The following FOXN3 variants were observed in gnomAD, a reference collection of about 807,000 sequenced individuals.
FOXN3 encodes forkhead box protein N3.
In FOXN3, 7 loss-of-function variants were observed where a neutral mutation model predicts 38.4. The observed-to-expected ratio is 0.18, with a 90% CI of 0.10 to 0.34. FOXN3 has a LOEUF of 0.34. FOXN3 is among the 10% of genes least tolerant of loss of function. FOXN3 has a pLI of 1.00. For missense variants in FOXN3, 456 were observed against 613.4 expected (o/e 0.74, Z 2.71); for synonymous variants, 230 against 242.2 (o/e 0.95, Z 0.47).
rs972212399 is a variant in FOXN3, at chr14:89,548,844, C to G, written c.-15+70184G>C. ...ATTCAGTTTTTTATAATGTGCCGGGCGCGGTGGCTCACGCCTGTAATCCCA... is the reference window on the plus strand; with the variant it reads ...ATTCAGTTTTTTATAATGTGCCGGGGGCGGTGGCTCACGCCTGTAATCCCA... On this transcript the variant is annotated intron_variant, in intron 1 of 6. Transcript: ENST00000345097. The surrounding 1 kb of genome is among the most constrained non-coding windows in gnomAD (Gnocchi z 4.8). 6.6e-6 allele frequency among the ~76,000 whole-genome samples: 1 copy of G among 152,068 alleles called. No individual in the cohort carries two copies. Among genetic ancestry groups the G allele is most frequent in the Non-Finnish European group, 1.5e-5 (1 of 68,022 alleles).
At chr14:89,234,228 C>T (rs1884911267) in intron 4 of FOXN3, among the ~76,000 whole-genome samples, 1 of 152,214 alleles carries the variant, frequency 6.6e-6, no homozygotes, top group Non-Finnish European at 1.5e-5. Context: ...GTGCCACAAA[C>T]TGAGTTCTTC....
intron 1 of FOXN3, among the ~76,000 whole-genome samples, chr14:89,451,160 A>G (rs17798867): frequency 0.31 from 46,901 of 152,056 alleles, 8,366 homozygotes; most frequent in Admixed American, 0.42. Flanking sequence ...AGAAAAGCCA[A>G]TGTTGACTGA....
chr14:89,572,986 C>T (rs1895524882), intron 1 of FOXN3, among the ~76,000 whole-genome samples: 1 of 152,230 alleles, frequency 6.6e-6, no homozygotes, highest in African/African-American at 2.4e-5. Flanking sequence ...GTTAGCCTAA[C>T]CACAAAGGTG....
At chr14:89,607,365 C>T (rs914978991) in intron 1 of FOXN3, among the ~76,000 whole-genome samples, 1 of 152,042 alleles carries the variant, frequency 6.6e-6, no homozygotes, top group Non-Finnish European at 1.5e-5. Context: ...TTGAGACCAG[C>T]CTGGCCAACA....
intron 3 of FOXN3, among the ~76,000 whole-genome samples, chr14:89,331,781 T>C (rs8020112): frequency 0.81 from 122,529 of 152,204 alleles, 49,466 homozygotes; most frequent in Admixed American, 0.86. Context: ...CTCTGTGCAA[T>C]GCACTCTGGT....
chr14:89,417,778 A>T (rs1237975461), upstream of FOXN3: 1 of 454,876 alleles, frequency 2.2e-6, no homozygotes, highest in Non-Finnish European at 4.4e-6. Context: ...TCTCCCAGCG[A>T]CCACCTCGTG....
chr14:89,271,830 G>A (rs1886157577), intron 4 of FOXN3, among the ~76,000 whole-genome samples: 2 of 152,180 alleles, frequency 1.3e-5, no homozygotes, highest in South Asian at 4.1e-4. Context: ...GCCCTAGTCT[G>A]CAAAACACTG....
At chr14:89,366,187 A>G (rs1245920700) in intron 2 of FOXN3, among the ~76,000 whole-genome samples, 2 of 151,418 alleles carry the variant, frequency 1.3e-5, no homozygotes, top group East Asian at 3.9e-4. Context: ...CGGGAGGCGG[A>G]GTTTGCAGTG....
intron 4 of FOXN3, among the ~76,000 whole-genome samples, chr14:89,254,857 T>C (rs2139883942): frequency 6.6e-6 from 1 of 152,338 alleles, no homozygotes; most frequent in East Asian, 1.9e-4. Context: ...ACCACACCTT[T>C]GCCACTGCGG....
chr14:89,292,244 A>G (rs1886897005), intron 3 of FOXN3, among the ~76,000 whole-genome samples: 1 of 151,840 alleles, frequency 6.6e-6, no homozygotes, highest in Non-Finnish European at 1.5e-5. Flanking sequence ...CCCCCTTCCC[A>G]GGACTGATGA....
At chr14:89,286,328 A>G (rs575647795) in intron 3 of FOXN3, among the ~76,000 whole-genome samples, 44 of 152,294 alleles carry the variant, frequency 2.9e-4, no homozygotes, top group African/African-American at 1.1e-3. Context: ...CCCCATGGTC[A>G]GCTTTCTGCC....
chr14:89,182,647 TAC>T (rs1466986217), intron 4 of FOXN3, among the ~76,000 whole-genome samples: 1 of 152,218 alleles, frequency 6.6e-6, no homozygotes, highest in African/African-American at 2.4e-5. Flanking sequence ...TATCATGTCT[TAC>T]ACAGTTGATG....
intron 3 of FOXN3, among the ~76,000 whole-genome samples, chr14:89,311,063 G>A (rs1474417912): frequency 7.0e-6 from 1 of 143,148 alleles, no homozygotes; most frequent in African/African-American, 2.6e-5. Context: ...CCAAGATCGC[G>A]CCATTGCATT....
chr14:89,180,358 C>G (rs1355736741), intron 5 of FOXN3, among the ~76,000 whole-genome samples: 1 of 152,190 alleles, frequency 6.6e-6, no homozygotes, highest in African/African-American at 2.4e-5. Flanking sequence ...AGGGACAGGA[C>G]TGGGTCTTGC....
At chr14:89,291,161 G>T in intron 3 of FOXN3, 1 of 492,004 alleles carries the variant, frequency 2.0e-6, no homozygotes. Context: ...AAGTACCCAA[G>T]TTGGGGGGCA....
chr14:89,335,201 G>A (rs1460155560), intron 3 of FOXN3, among the ~76,000 whole-genome samples: 2 of 151,906 alleles, frequency 1.3e-5, no homozygotes, highest in African/African-American at 4.8e-5. Flanking sequence ...ACATCACACT[G>A]TACGCCTTAA....
intron 3 of FOXN3, among the ~76,000 whole-genome samples, chr14:89,293,434 T>G (rs1472872278): frequency 6.6e-6 from 1 of 152,210 alleles, no homozygotes; most frequent in Non-Finnish European, 1.5e-5. Flanking sequence ...GGCTGGTTCC[T>G]TCAGCAGGCT....
At position 89,162,915 on chromosome 14, in the gene FOXN3, G is replaced by A. The variant is rs1252638196; in HGVS notation, c.906C>T (p.Ser302=). Residue 302 remains serine, a synonymous_variant, in exon 6 of 6, where the codon TCC becomes TCT. Transcript: ENST00000557258. The surrounding 1 kb of genome is among the most constrained non-coding windows in gnomAD (Gnocchi z 7.2). Reference sequence around the variant, plus strand: ...CCTTGGGGTCTCCGCTGACCACTGGGGAGCCACAAGATGGCTCACTCTCAG... The same window carrying A: ...CCTTGGGGTCTCCGCTGACCACTGGAGAGCCACAAGATGGCTCACTCTCAG... ...MRTESEPSCG[S]PVVSGDPKED... is the part of the protein sequence containing the mutation. 3.1e-6 allele frequency: 5 copies of A among 1,593,202 alleles called. No individual in the cohort carries two copies. The highest frequency in any genetic ancestry group is 4.5e-5 in the East Asian group (2 of 44,432).
chr14:89,260,654 G>A (rs1885769814), intron 4 of FOXN3, among the ~76,000 whole-genome samples: 1 of 152,208 alleles, frequency 6.6e-6, no homozygotes, highest in African/African-American at 2.4e-5. Flanking sequence ...TTGAAGTGTA[G>A]AATGCTCCGG....
Sources: gnomAD v4.1 joint callset for allele counts (sites outside exome capture counted in the v4.1 genomes callset) on GRCh38, gnomAD v4.1.1 for gene constraint, Gnocchi (gnomAD v3.1) non-coding constraint, MANE v1.5 for transcripts, NCBI Gene and HGNC (gene_info 2026-07-23, HGNC 2026-07-21) for gene names.